The following OXCT1 variants were observed in gnomAD, a reference collection of about 807,000 sequenced individuals.
OXCT1 encodes 3-oxoacid CoA-transferase 1.
OXCT1 carries 27 observed loss-of-function variants against 69.6 expected under a neutral mutation model. That is an observed-to-expected ratio of 0.39 (90% CI 0.29 to 0.54). The LOEUF is 0.54. OXCT1 is among the 20% of genes least tolerant of loss of function. OXCT1 has a pLI of 0.72. For missense variants in OXCT1, 437 were observed against 650.2 expected (o/e 0.67, Z 3.57); for synonymous variants, 202 against 217.8 (o/e 0.93, Z 0.64).
intron 4 of OXCT1, among the ~76,000 whole-genome samples, chr5:41,850,799 C>A (rs1420949799): frequency 3.3e-5 from 5 of 152,182 alleles, no homozygotes; most frequent in African/African-American, 1.2e-4. Context: ...TTTTGATCAT[C>A]ATCTTTCCGA....
At chr5:41,820,123 A>C (rs1434876672) in intron 7 of OXCT1, among the ~76,000 whole-genome samples, 1 of 152,240 alleles carries the variant, frequency 6.6e-6, no homozygotes, top group African/African-American at 2.4e-5. Flanking sequence ...TGACATTCCC[A>C]TTAAAATAAG....
chr5:41,837,630 CAA>C (rs71608626), intron 7 of OXCT1, among the ~76,000 whole-genome samples: 28 of 83,196 alleles, frequency 3.4e-4, no homozygotes, highest in Non-Finnish European at 4.0e-4. Context: ...ATAAGCTGGG[CAA>C]AAAAAAAAAA....
intron 14 of OXCT1, among the ~76,000 whole-genome samples, chr5:41,756,868 G>C (rs1013712224): frequency 6.6e-6 from 1 of 152,072 alleles, no homozygotes; most frequent in Non-Finnish European, 1.5e-5. Context: ...CAAATGCAAA[G>C]GTCCCAAGGC....
chr5:41,819,277 T>C (rs764244859), intron 7 of OXCT1, among the ~76,000 whole-genome samples: 1 of 151,674 alleles, frequency 6.6e-6, no homozygotes, highest in Non-Finnish European at 1.5e-5. Context: ...TCAGTGACAG[T>C]GTACCTTATT....
At chr5:41,859,889 A>AC (rs1491189806) in intron 3 of OXCT1, among the ~76,000 whole-genome samples, 6 of 88,656 alleles carry the variant, frequency 6.8e-5, no homozygotes, top group African/African-American at 1.0e-4. Flanking sequence ...ATATATATGT[A>AC]ATATATATAT....
In OXCT1 at chr5:41,827,838, A is replaced by T. The variant is rs1579823331; in HGVS notation, c.732+12613T>A. Among the ~76,000 whole-genome samples the T allele has an allele frequency of 1.3e-5, 2 of 152,350 alleles. 1 individual carries two copies. The highest frequency in any genetic ancestry group is 4.8e-5 in the African/African-American group (2 of 41,588). ...TTTAGAAAACTGGTGGGGGAAAAAA[A>T]GAGTAATCAGCCTCACCATCCTCAA... On this transcript the variant is annotated intron_variant, in intron 7 of 16. Transcript: ENST00000196371.
At chr5:41,832,534 G>A (rs949785498) in intron 7 of OXCT1, among the ~76,000 whole-genome samples, 24 of 152,002 alleles carry the variant, frequency 1.6e-4, no homozygotes, top group African/African-American at 5.1e-4. Flanking sequence ...CCTAGAAAGC[G>A]TTCCCAAGGA....
At chr5:41,841,179 T>C (rs1748610642) in intron 6 of OXCT1, among the ~76,000 whole-genome samples, 1 of 152,200 alleles carries the variant, frequency 6.6e-6, no homozygotes, top group African/African-American at 2.4e-5. Context: ...ATGGTAAAAA[T>C]TAAAACATAT....
At chr5:41,741,420 T>A (rs1473236093) in intron 15 of OXCT1, among the ~76,000 whole-genome samples, 2 of 152,180 alleles carry the variant, frequency 1.3e-5, no homozygotes, top group Non-Finnish European at 2.9e-5. Context: ...CAACCTTTAG[T>A]GAACCTGTCT....
chr5:41,737,920 C>T (rs191123342), intron 16 of OXCT1, among the ~76,000 whole-genome samples: 88 of 152,122 alleles, frequency 5.8e-4, no homozygotes, highest in Non-Finnish European at 1.1e-3. Flanking sequence ...CCGGGCGTGG[C>T]GGCATGTGCC....
At chr5:41,747,445 C>A (rs995366933) in intron 15 of OXCT1, among the ~76,000 whole-genome samples, 2 of 152,028 alleles carry the variant, frequency 1.3e-5, no homozygotes, top group Non-Finnish European at 2.9e-5. Flanking sequence ...TGGCACTGTG[C>A]CAAGTGTTAG....
chr5:41,743,506 G>C (rs1409008385), intron 15 of OXCT1, among the ~76,000 whole-genome samples: 1 of 152,114 alleles, frequency 6.6e-6, no homozygotes, highest in Non-Finnish European at 1.5e-5. Context: ...TGTCAATTTT[G>C]GCTTTTGTTG....
intron 7 of OXCT1, among the ~76,000 whole-genome samples, chr5:41,809,121 T>G (rs1746838257): frequency 6.6e-6 from 1 of 152,094 alleles, no homozygotes; most frequent in Non-Finnish European, 1.5e-5. Flanking sequence ...CAAGATTTTG[T>G]ATAAGTAAAT....
Position 41,762,072 on chromosome 5 carries a change from T to C in OXCT1, c.1338+39A>G. On this transcript the variant is annotated intron_variant, in intron 14 of 16. Transcript: ENST00000196371. The surrounding 1 kb of genome is among the most constrained non-coding windows in gnomAD (Gnocchi z 4.0). ...ACACTGGGTTTTGATGTATTGCAAA[T>C]TTCCAAAAGCAGTATTTGGGGAGCA... The C allele has an allele frequency of 7.1e-7, 1 of 1,409,904 alleles. No homozygotes were observed. Among genetic ancestry groups the C allele is most frequent in the African/African-American group, 1.4e-5 (1 of 71,122 alleles). 87.3% of individuals were successfully genotyped at this position (1,409,904 alleles called of 1,614,324 possible). A position where few individuals can be genotyped will look rare whatever the true frequency, so the allele number is the denominator to read the frequency against.
intron 7 of OXCT1, among the ~76,000 whole-genome samples, chr5:41,836,435 T>C (rs914986796): frequency 5.3e-5 from 8 of 152,232 alleles, no homozygotes; most frequent in African/African-American, 1.4e-4. Flanking sequence ...AATGTTCATA[T>C]TGGTTTTGTT....
Position 41,805,645 on chromosome 5 carries a change from T to C in OXCT1, c.877A>G (p.Lys293Glu). 2 of 1,612,920 alleles carry C rather than the reference T, an allele frequency of 1.2e-6. No homozygotes were observed. Among genetic ancestry groups the C allele is most frequent in the South Asian group, 1.1e-5 (1 of 91,060 alleles). ...SIRKEGDGEA[K>E]SAKPGDDVRE... is the part of the protein sequence containing the mutation. The stretch of plus-strand genomic sequence containing the variant: ...ACGTCATCTCCAGGTTTAGCAGATT[T>C]GGCTTCCCCATCTCCCTCTTTCCGG... The change falls in exon 9 of 17, where the codon AAA becomes GAA. Residue 293 changes from lysine (K) to glutamate (E), a missense_variant. Physicochemically the swap from Lys to Glu is moderately conservative, Grantham distance 56. Transcript: ENST00000196371.
At chr5:41,812,551 T>A (rs940934409) in intron 7 of OXCT1, among the ~76,000 whole-genome samples, 4 of 151,890 alleles carry the variant, frequency 2.6e-5, no homozygotes, top group African/African-American at 9.7e-5. Flanking sequence ...TATCAAAAGA[T>A]ACAAAATCAG....
chr5:41,748,682 C>T (rs980841218), intron 15 of OXCT1, among the ~76,000 whole-genome samples: 2 of 152,050 alleles, frequency 1.3e-5, no homozygotes, highest in Non-Finnish European at 2.9e-5. Flanking sequence ...TCCTAGCCCA[C>T]TTCAAAGCCT....
intron 7 of OXCT1, among the ~76,000 whole-genome samples, chr5:41,810,499 C>G (rs189213686): frequency 3.5e-4 from 53 of 152,114 alleles, no homozygotes; most frequent in Non-Finnish European, 8.8e-5. Flanking sequence ...CATGCCCCAC[C>G]ACTTGCTACA....
Sources: gnomAD v4.1 joint callset for allele counts (sites outside exome capture counted in the v4.1 genomes callset) on GRCh38, gnomAD v4.1.1 for gene constraint, Gnocchi (gnomAD v3.1) non-coding constraint, MANE v1.5 for transcripts, NCBI Gene and HGNC (gene_info 2026-07-23, HGNC 2026-07-21) for gene names.